Variants in PTPRT observed in about 807,000 individuals in gnomAD.
PTPRT encodes the protein receptor-type tyrosine-protein phosphatase T.
Under a neutral mutation model 176.8 loss-of-function variants are expected in PTPRT, and 56 were observed. The ratio of observed to expected loss-of-function variants is 0.32; its 90% CI spans 0.26 to 0.40. The LOEUF (loss-of-function observed/expected upper bound fraction) is 0.40, where lower values mean the gene tolerates loss of function less well. Ranked by LOEUF, PTPRT falls within the 10% of genes least tolerant of loss-of-function variation. The probability of loss-of-function intolerance (pLI) is 1.00; values close to 1 mark genes in which losing one functional copy is unlikely to be tolerated. For missense variants in PTPRT, 1,540 were observed against 1,908.2 expected (o/e 0.81, Z 3.60); for synonymous variants, 783 against 739.0 (o/e 1.06, Z -0.96).
chr20:42,248,923 ATG>A (rs1347321997), intron 13 of PTPRT, 101 bp from the exon 14 acceptor site: 25 of 1,410,794 alleles, frequency 1.8e-5, no homozygotes, highest in Non-Finnish European at 2.3e-5. Context: ...AGTGCTAACT[ATG>A]TGCCAGGCAC....
Position 42,684,366 on chromosome 20 carries a change from T to C in PTPRT, c.860-6207A>G, listed in dbSNP as rs997581939. ...TCTCAAAAAAAAAAAAATTAGTCTT[T>C]GTGCCCTAACCAAACATACAGCCAG... On this transcript the variant is annotated intron_variant, in intron 6 of 30. Coordinates refer to ENST00000373187, the MANE Select transcript of PTPRT (RefSeq NM_007050.6). Among the ~76,000 whole-genome samples the C allele has an allele frequency of 4.5e-4, 69 of 152,084 alleles. 1 individual carries two copies. The highest frequency in any genetic ancestry group is 4.6e-4 in the Admixed American group (7 of 15,268).
chr20:42,791,347 G>A lies in PTPRT; in HGVS notation c.334C>T (p.Arg112Cys), dbSNP rs376239850. 78 of 1,614,218 alleles carry A rather than the reference G, an allele frequency of 4.8e-5. No homozygotes were observed. Among genetic ancestry groups the A allele is most frequent in the African/African-American group, 1.1e-4 (8 of 75,060 alleles). ...CIDFHYYFSS[R>C]DRSSPGALNV... ...AAGGCCCCTGGGCTGGACCTGTCAC[G>A]GCTGGAGAAGTAGTAATGGAAGTCG... The change falls in exon 3 of 31, where the codon CGT becomes TGT. Residue 112 changes from arginine (R) to cysteine (C), a missense_variant. Coordinates refer to ENST00000373187, the MANE Select transcript of PTPRT (RefSeq NM_007050.6).
intron 2 of PTPRT, among the ~76,000 whole-genome samples, chr20:42,796,408 A>G (rs1396355586): frequency 6.6e-6 from 1 of 152,210 alleles, no homozygotes; most frequent in South Asian, 2.1e-4. Flanking sequence ...AAAGCATAAC[A>G]AATTACATCC....
At chr20:42,690,670 C>T (rs991064784) in intron 6 of PTPRT, among the ~76,000 whole-genome samples, 11 of 152,316 alleles carry the variant, frequency 7.2e-5, no homozygotes, top group Admixed American at 3.9e-4. Flanking sequence ...GCCCAATACA[C>T]TTCATCCCTT....
rs73907257 is a variant in PTPRT at position 42,743,519 on chromosome 20, A to G, written c.859+12943T>C. On this transcript the variant is annotated intron_variant, in intron 6 of 30. Transcript: ENST00000373187. Reference sequence around the variant, plus strand: ...TTATACTATTTTAGAAAGGAATTCCATTGTTTTAAGGCGGGAATAAGCGTG... The same window carrying G: ...TTATACTATTTTAGAAAGGAATTCCGTTGTTTTAAGGCGGGAATAAGCGTG... 9.7e-3 allele frequency among the ~76,000 whole-genome samples: 1,483 copies of G among 152,312 alleles called. 28 individuals carry two copies. Among genetic ancestry groups the G allele is most frequent in the Admixed American group, 0.034 (522 of 15,306 alleles).
intron 16 of PTPRT, among the ~76,000 whole-genome samples, chr20:42,174,323 A>G (rs1568642601): frequency 6.6e-6 from 1 of 152,072 alleles, no homozygotes; most frequent in East Asian, 1.9e-4. Flanking sequence ...GTGGCATTTG[A>G]GAGGAGTTTA....
chr20:43,138,374 G>A (rs1430284888), intron 1 of PTPRT, among the ~76,000 whole-genome samples: 2 of 152,240 alleles, frequency 1.3e-5, no homozygotes, highest in African/African-American at 4.8e-5. Context: ...AGCACTGCAG[G>A]CAGGCAGCCT....
intron 1 of PTPRT, among the ~76,000 whole-genome samples, chr20:43,101,905 G>A (rs2012404411): frequency 6.6e-6 from 1 of 152,198 alleles, no homozygotes; most frequent in Non-Finnish European, 1.5e-5. Flanking sequence ...CCTGAGACTG[G>A]ATAATTTATA....
chr20:42,097,983 A>T (rs1985439176), intron 27 of PTPRT, among the ~76,000 whole-genome samples: 1 of 152,208 alleles, frequency 6.6e-6, no homozygotes, highest in Non-Finnish European at 1.5e-5. Context: ...AATGTGTCCA[A>T]GGTTCAAGTC....
chr20:42,404,009 C>A (rs2058935395), intron 9 of PTPRT, among the ~76,000 whole-genome samples: 1 of 152,148 alleles, frequency 6.6e-6, no homozygotes, highest in Admixed American at 6.6e-5. Flanking sequence ...TCATTCTGAT[C>A]TCCAGATCAA....
the PTPRT span, among the ~76,000 whole-genome samples, chr20:42,031,998 T>C: frequency 6.6e-6 from 1 of 152,158 alleles, no homozygotes; most frequent in Non-Finnish European, 1.5e-5. Context: ...CCAAATAAGT[T>C]AAATAACTTG....
intron 2 of PTPRT, among the ~76,000 whole-genome samples, chr20:42,804,881 A>G (rs2077582960): frequency 6.6e-6 from 1 of 152,174 alleles, no homozygotes; most frequent in South Asian, 2.1e-4. Flanking sequence ...AATTCAGAGC[A>G]CACCCTACTC....
At chr20:42,728,041 G>T (rs1332671791) in intron 6 of PTPRT, among the ~76,000 whole-genome samples, 2 of 152,102 alleles carry the variant, frequency 1.3e-5, no homozygotes, top group African/African-American at 4.8e-5. Context: ...TCTAGAGCTG[G>T]CTCCAGACGA....
intron 7 of PTPRT, among the ~76,000 whole-genome samples, chr20:42,572,069 A>G (rs1438666335): frequency 6.6e-6 from 1 of 152,196 alleles, no homozygotes; most frequent in Admixed American, 6.5e-5. Context: ...CTGAGACTCC[A>G]GAATATATGA....
At chr20:42,672,623 G>T (rs569845523) in intron 7 of PTPRT, among the ~76,000 whole-genome samples, 1 of 152,248 alleles carries the variant, frequency 6.6e-6, no homozygotes, top group Non-Finnish European at 1.5e-5. Context: ...TACAGTTTCT[G>T]GTTTAACTGG....
At chr20:42,349,570 G>T (rs747341005) in intron 11 of PTPRT, among the ~76,000 whole-genome samples, 1 of 152,168 alleles carries the variant, frequency 6.6e-6, no homozygotes, top group African/African-American at 2.4e-5. Flanking sequence ...AAGCACTTAA[G>T]CATTGCCCGA....
intron 2 of PTPRT, among the ~76,000 whole-genome samples, chr20:42,792,457 C>T (rs1414286256): frequency 6.6e-6 from 1 of 152,132 alleles, no homozygotes; most frequent in East Asian, 1.9e-4. Context: ...ATAGAATGGA[C>T]TGGCCAGAGA....
chr20:42,851,580 T>A (rs1444612640), intron 2 of PTPRT, among the ~76,000 whole-genome samples: 1 of 152,218 alleles, frequency 6.6e-6, no homozygotes, highest in African/African-American at 2.4e-5. Flanking sequence ...AGATGTTTCC[T>A]GTTTATTTGC....
At chr20:42,523,996 C>CT (rs2072224224) in intron 7 of PTPRT, among the ~76,000 whole-genome samples, 1 of 151,074 alleles carries the variant, frequency 6.6e-6, no homozygotes, top group African/African-American at 2.4e-5. Flanking sequence ...GACCCTATCT[C>CT]TAAAAAAAAA....
Sources: gnomAD v4.1 joint callset for allele counts (sites outside exome capture counted in the v4.1 genomes callset) on GRCh38, gnomAD v4.1.1 for gene constraint, MANE v1.5 for transcripts, NCBI Gene and HGNC (gene_info 2026-07-23, HGNC 2026-07-21) for gene names.